MAPK4: variants seen among roughly 807,000 people sequenced by gnomAD.
MAPK4 encodes the protein mitogen-activated protein kinase 4, also known as Erk3-related.
Under a neutral mutation model 47.7 loss-of-function variants are expected in MAPK4, and 22 were observed. The observed-to-expected ratio is 0.46, with a 90% CI of 0.33 to 0.66. MAPK4 has a LOEUF of 0.66. Among genes scored for constraint, MAPK4 ranks in the 30% least tolerant of loss-of-function variants. MAPK4 has a pLI of 0.02. For missense variants in MAPK4, 736 were observed against 831.7 expected (o/e 0.88, Z 1.42); for synonymous variants, 390 against 365.7 (o/e 1.07, Z -0.76).
chr18:50,650,328 T>C (rs2043034491), intron 1 of MAPK4, among the ~76,000 whole-genome samples: 1 of 142,870 alleles, frequency 7.0e-6, no homozygotes, highest in Admixed American at 7.0e-5. Flanking sequence ...CCCTTTCCAC[T>C]ACCCCCTCCC....
At chr18:50,583,306 A>C (rs190212646) in intron 1 of MAPK4, among the ~76,000 whole-genome samples, 1,759 of 152,320 alleles carry the variant, frequency 0.012, 44 homozygotes, top group Admixed American at 0.055. Flanking sequence ...GGAACCAATC[A>C]GCCAGGTGCG....
At chr18:50,561,617 G>C (rs1384146414) in intron 1 of MAPK4, among the ~76,000 whole-genome samples, 3 of 152,156 alleles carry the variant, frequency 2.0e-5, no homozygotes, top group Non-Finnish European at 4.4e-5. Context: ...TTTGGGGTAC[G>C]GATAGAAACA....
At chr18:50,616,389 T>C (rs2149379975) in intron 1 of MAPK4, among the ~76,000 whole-genome samples, 1 of 152,322 alleles carries the variant, frequency 6.6e-6, no homozygotes, top group Non-Finnish European at 1.5e-5. Context: ...ATGGTCATTG[T>C]TATTTACTTC....
intron 1 of MAPK4, among the ~76,000 whole-genome samples, chr18:50,649,808 C>T (rs911964967): frequency 6.6e-6 from 1 of 152,212 alleles, no homozygotes; most frequent in African/African-American, 2.4e-5. Context: ...TTGTTCCCAG[C>T]ACATAAGGAC....
chr18:50,646,077 A>T (rs991006421), intron 1 of MAPK4, among the ~76,000 whole-genome samples: 12 of 152,246 alleles, frequency 7.9e-5, no homozygotes, highest in African/African-American at 2.4e-4. Flanking sequence ...AATGGAAGGC[A>T]TCAATTCCAG....
At position 50,720,916 on chromosome 18, in the gene MAPK4, G is replaced by A. The variant is rs569738570; in HGVS notation, c.692-1022G>A. Among the ~76,000 whole-genome samples, 3 of 152,334 alleles carry A rather than the reference G, an allele frequency of 2.0e-5. No homozygotes were observed. In the East Asian group the frequency reaches 5.8e-4, roughly 29 times the overall value. On this transcript the variant is annotated intron_variant, in intron 3 of 5. Coordinates refer to ENST00000400384, the MANE Select transcript of MAPK4 (RefSeq NM_002747.4). ...GGGAACTGTGGGGGCACCTGGGAGA[G>A]CCCTCATCCTAGGCTGGATGACTGG...
intron 1 of MAPK4, among the ~76,000 whole-genome samples, chr18:50,659,501 CA>C (rs1215374513): frequency 6.6e-6 from 1 of 152,134 alleles, no homozygotes; most frequent in Non-Finnish European, 1.5e-5. Context: ...ATTTGTAAAC[CA>C]AAGCCCCAGG....
chr18:50,565,503 A>C (rs1469993414), intron 1 of MAPK4, among the ~76,000 whole-genome samples: 2 of 152,182 alleles, frequency 1.3e-5, no homozygotes, highest in African/African-American at 4.8e-5. Context: ...GGAATACCTG[A>C]GCCTGGGATG....
intron 1 of MAPK4, among the ~76,000 whole-genome samples, chr18:50,625,913 CACACACACACACACAT>C (rs1467314076): frequency 9.2e-4 from 67 of 72,888 alleles, no homozygotes; most frequent in African/African-American, 2.2e-3. Flanking sequence ...CACACACACA[CACACACACACACACAT>C]ATATAATGAC....
intron 1 of MAPK4, among the ~76,000 whole-genome samples, chr18:50,658,013 G>GC (rs1432944785): frequency 1.3e-5 from 2 of 152,166 alleles, no homozygotes; most frequent in African/African-American, 4.8e-5. Flanking sequence ...TCCCAAGGAT[G>GC]CCCAGTCCCT....
rs555516583 is a variant in MAPK4 at position 50,711,205 on chromosome 18, G to C, written c.547-3874G>C. Reference sequence around the variant, plus strand: ...TAATTATGCTCCTCACAGGGCAGCTGCTGCTAGATTATTTCCCAAACACCT... The same window carrying C: ...TAATTATGCTCCTCACAGGGCAGCTCCTGCTAGATTATTTCCCAAACACCT... On this transcript the variant is annotated intron_variant, in intron 2 of 5. Coordinates refer to ENST00000400384, the MANE Select transcript of MAPK4 (RefSeq NM_002747.4). Among the ~76,000 whole-genome samples, 160 of 152,358 alleles carry C rather than the reference G, an allele frequency of 1.1e-3. 1 individual carries two copies. Among genetic ancestry groups the C allele is most frequent in the African/African-American group, 3.8e-3 (156 of 41,586 alleles).
At chr18:50,686,778 T>G (rs1908905849) in intron 2 of MAPK4, among the ~76,000 whole-genome samples, 1 of 152,228 alleles carries the variant, frequency 6.6e-6, no homozygotes, top group Non-Finnish European at 1.5e-5. Context: ...AGCTCAACTC[T>G]GGCTGACTGG....
chr18:50,680,069 G>A (rs1181318493), intron 2 of MAPK4, among the ~76,000 whole-genome samples: 1 of 116,688 alleles, frequency 8.6e-6, no homozygotes, highest in Non-Finnish European at 1.8e-5. Context: ...TTTTATATTT[G>A]CTTTTAAACT....
chr18:50,713,929 C>T (rs1910502351), intron 2 of MAPK4, among the ~76,000 whole-genome samples: 2 of 152,248 alleles, frequency 1.3e-5, no homozygotes, highest in South Asian at 4.1e-4. Context: ...GAAATATGTG[C>T]CACAGAGGGG....
At chr18:50,621,579 A>G (rs1335791211) in intron 1 of MAPK4, among the ~76,000 whole-genome samples, 1 of 152,192 alleles carries the variant, frequency 6.6e-6, no homozygotes, top group Non-Finnish European at 1.5e-5. Flanking sequence ...ACCCTTGGCC[A>G]GATCCACTAA....
intron 5 of MAPK4, 148 bp downstream of exon 5, chr18:50,726,323 G>T (rs1911198121): frequency 1.3e-6 from 1 of 759,632 alleles, no homozygotes; most frequent in Non-Finnish European, 2.2e-6. Flanking sequence ...CCTTTCTCTT[G>T]TGCCCAGACA....
At position 50,729,616 on chromosome 18, in the gene MAPK4, C is replaced by T; in HGVS notation, c.1526C>T (p.Pro509Leu). Residue 509 changes from proline (P) to leucine (L), a missense_variant, in exon 6 of 6, where the codon CCG becomes CTG. Coordinates refer to ENST00000400384, the MANE Select transcript of MAPK4 (RefSeq NM_002747.4). ...CAGGGCGGCCCAGAGCACGCCAGCC[C>T]GCCCGCCGACGACCCCGAGCGCCGC... ...STQGGPEHAS[P>L]PADDPERRLS... 7.3e-7 allele frequency: 1 copy of T among 1,377,760 alleles called. No homozygotes were observed. The highest frequency in any genetic ancestry group is 9.4e-7 in the Non-Finnish European group (1 of 1,068,306). 85.3% of individuals were successfully genotyped at this position (1,377,760 alleles called of 1,614,324 possible).
rs1352655359 is a variant in MAPK4 at position 50,664,223 on chromosome 18, A to G, written c.265A>G (p.Thr89Ala). The part of the protein sequence containing the change: ...KVYEVLGPKG[T>A]DLQGELFKFS... ...GTACGAGGTGCTCGGTCCCAAGGGC[A>G]CTGACCTGCAGGGTGAGCTGTTCAA... Residue 89 changes from threonine (T) to alanine (A), a missense_variant, in exon 2 of 6, where the codon ACT becomes GCT. Physicochemically the swap from Thr to Ala is moderately conservative, Grantham distance 58 (BLOSUM62 0). Transcript: ENST00000400384. The surrounding 1 kb of genome is among the most constrained non-coding windows in gnomAD (Gnocchi z 6.0). The G allele has an allele frequency of 1.9e-6, 3 of 1,613,972 alleles. No homozygotes were observed. The highest frequency in any genetic ancestry group is 2.5e-6 in the Non-Finnish European group (3 of 1,180,022).
At chr18:50,725,751 G>A (rs553911027) in intron 4 of MAPK4, among the ~76,000 whole-genome samples, 2 of 152,262 alleles carry the variant, frequency 1.3e-5, no homozygotes, top group Admixed American at 6.5e-5. Flanking sequence ...CTCTGAGTCT[G>A]TTTAATTCAT....
Sources: allele counts gnomAD v4.1 joint callset (sites outside exome capture counted in the v4.1 genomes callset), GRCh38; gene constraint gnomAD v4.1.1; non-coding constraint Gnocchi (gnomAD v3.1); transcripts MANE v1.5; gene names NCBI Gene and HGNC (gene_info 2026-07-23, HGNC 2026-07-21).